LRRC9: variants seen among roughly 807,000 people sequenced by gnomAD.
LRRC9 encodes the protein leucine rich repeat containing 9.
LRRC9 carries 122 observed loss-of-function variants against 63.2 expected under a neutral mutation model. That is an observed-to-expected ratio of 1.93 (90% confidence interval 1.67 to 2.24). LRRC9 has a LOEUF of 2.24. Ranked by LOEUF, LRRC9 falls within the 30% of genes most tolerant of loss-of-function variation. The pLI, the probability that LRRC9 is intolerant of heterozygous loss-of-function variation, is 0.00. For missense variants in LRRC9, 1,071 were observed against 627.7 expected (o/e 1.71, Z -7.55); for synonymous variants, 366 against 213.1 (o/e 1.72, Z -6.25).
At position 59,938,667 on chromosome 14, in the gene LRRC9, G is replaced by A. The variant is rs34650525; in HGVS notation, c.726+95G>A. On this transcript the variant is annotated intron_variant, in intron 7 of 31. Transcript: ENST00000445360. This position sits in a 1 kb window ranked among gnomAD's most constrained non-coding sequence, Gnocchi z 4.2. ...CCACATACGGTAGGTAGGATTATCAGTTCAGTTCTTGTTGCCAAGTCTGCT... is the reference window on the plus strand; with the variant it reads ...CCACATACGGTAGGTAGGATTATCAATTCAGTTCTTGTTGCCAAGTCTGCT... 202,298 of 511,986 alleles carry A rather than the reference G, an allele frequency of 0.4. 41,302 individuals carry two copies. Among genetic ancestry groups the A allele is most frequent in the East Asian group, 0.56 (17,059 of 30,694 alleles). 31.7% of individuals were successfully genotyped at this position (511,986 alleles called of 1,614,324 possible). A position where few individuals can be genotyped will look rare whatever the true frequency, so the allele number is the denominator to read the frequency against.
In LRRC9 at chr14:59,930,709, T is replaced by G. The variant is rs1042116945; in HGVS notation, c.268-209T>G. On this transcript the variant is annotated intron_variant, in intron 3 of 31. Coordinates refer to ENST00000445360, the Ensembl canonical transcript of LRRC9. This position sits in a 1 kb window ranked among gnomAD's most constrained non-coding sequence, Gnocchi z 4.9. ...AAATAGATATAGGGTTGATCAAAATTTAAAGAGAACATGCAAAATTGAAAA... is the reference window on the plus strand; with the variant it reads ...AAATAGATATAGGGTTGATCAAAATGTAAAGAGAACATGCAAAATTGAAAA... 1.3e-5 allele frequency among the ~76,000 whole-genome samples: 2 copies of G among 151,610 alleles called. No individual in the cohort carries two copies. The highest frequency in any genetic ancestry group is 4.8e-5 in the African/African-American group (2 of 41,388).
intron 29 of LRRC9, among the ~76,000 whole-genome samples, chr14:60,035,271 T>G (rs1595075934): frequency 6.6e-6 from 1 of 152,228 alleles, no homozygotes; most frequent in Non-Finnish European, 1.5e-5. Flanking sequence ...ATGGATTGAT[T>G]GCAAATATTT....
Position 60,031,626 on chromosome 14 carries a change from A to G in LRRC9, c.3922-369A>G, listed in dbSNP as rs911784616. On this transcript the variant is annotated intron_variant, in intron 28 of 31. Transcript: ENST00000445360. This position sits in a 1 kb window ranked among gnomAD's most constrained non-coding sequence, Gnocchi z 4.6. ...GCTGTGTTTAATTATGTACCTTTAA[A>G]ATTTTTAGATTTGATTCACCTTTTC... Among the ~76,000 whole-genome samples, 16 of 152,052 alleles carry G rather than the reference A, an allele frequency of 1.1e-4. No individual in the cohort carries two copies. Among genetic ancestry groups the G allele is most frequent in the African/African-American group, 3.4e-4 (14 of 41,432 alleles).
chr14:59,979,826 G>T (rs1886736092), intron 15 of LRRC9, among the ~76,000 whole-genome samples: 1 of 119,602 alleles, frequency 8.4e-6, no homozygotes, highest in African/African-American at 3.1e-5. Context: ...GTGGGGTGGG[G>T]GGAGGGGGAA....
rs1055343880 is a variant in LRRC9 at position 60,017,022 on chromosome 14, A to G, written c.3317+232A>G. 6.6e-6 allele frequency among the ~76,000 whole-genome samples: 1 copy of G among 151,856 alleles called. No individual in the cohort carries two copies. Among genetic ancestry groups the G allele is most frequent in the African/African-American group, 2.4e-5 (1 of 41,336 alleles). On this transcript the variant is annotated intron_variant, in intron 24 of 31. Transcript: ENST00000445360. The surrounding 1 kb of genome is among the most constrained non-coding windows in gnomAD (Gnocchi z 4.0). ...CAGGCTCAATCGATCCTCCGACTAT[A>G]GGCACGCACCACCAAGCATGGCTAA...
chr14:60,059,716 C>A (rs180951212), intron 31 of LRRC9, among the ~76,000 whole-genome samples: 16 of 152,296 alleles, frequency 1.1e-4, no homozygotes, highest in South Asian at 8.3e-4. Flanking sequence ...GAGAAAGCTG[C>A]AGAAGAGAAG....
intron 24 of LRRC9, 126 bp from the exon 25 acceptor site, chr14:60,018,242 AATT>A: frequency 1.6e-6 from 1 of 617,182 alleles, no homozygotes; most frequent in East Asian, 2.8e-5. Flanking sequence ...ACATTAAAGT[AATT>A]ATTTTTATAC....
At chr14:60,041,378 C>T (rs1037360150) in intron 29 of LRRC9, among the ~76,000 whole-genome samples, 7 of 152,298 alleles carry the variant, frequency 4.6e-5, no homozygotes, top group South Asian at 2.1e-4. Flanking sequence ...CCATTCTCCC[C>T]GTCACTTTCA....
chr14:60,034,418 A>G (rs1417425747), intron 29 of LRRC9, among the ~76,000 whole-genome samples: 1 of 152,106 alleles, frequency 6.6e-6, no homozygotes, highest in Non-Finnish European at 1.5e-5. Flanking sequence ...ACAATTTACC[A>G]TCTTTACATT....
chr14:59,957,687 G>A (rs539940466), intron 8 of LRRC9, among the ~76,000 whole-genome samples: 5 of 152,236 alleles, frequency 3.3e-5, no homozygotes, highest in South Asian at 4.1e-4. Context: ...GAGGAGTTGC[G>A]ATCATTTGGA....
intron 29 of LRRC9, 117 bp from the exon 30 acceptor site, chr14:60,052,948 A>G (rs1894001145): frequency 1.1e-5 from 6 of 544,830 alleles, no homozygotes; most frequent in African/African-American, 3.7e-5. Flanking sequence ...ATCTATTACT[A>G]TAAGTTAGCT....
chr14:59,987,076 T>C (rs952578168), intron 17 of LRRC9, among the ~76,000 whole-genome samples: 1 of 152,068 alleles, frequency 6.6e-6, no homozygotes, highest in Non-Finnish European at 1.5e-5. Flanking sequence ...TAGTACATTG[T>C]TGTAAGGTGA....
At chr14:59,994,907 T>C (rs917175652) in intron 17 of LRRC9, among the ~76,000 whole-genome samples, 1 of 152,004 alleles carries the variant, frequency 6.6e-6, no homozygotes, top group East Asian at 1.9e-4. Context: ...ATATACCTAA[T>C]GTTAAATGAG....
chr14:59,937,018 G>A (rs1162666164), intron 6 of LRRC9, among the ~76,000 whole-genome samples: 1 of 152,032 alleles, frequency 6.6e-6, no homozygotes, highest in Non-Finnish European at 1.5e-5. Flanking sequence ...CACCATCCTG[G>A]TAATGAGAAA....
At chr14:59,967,347 T>C in intron 12 of LRRC9, 134 bp downstream of exon 12, 1 of 458,648 alleles carries the variant, frequency 2.2e-6, no homozygotes, top group Non-Finnish European at 3.9e-6. Context: ...AAAAGCTTAG[T>C]GTTATCATGG....
intron 26 of LRRC9, among the ~76,000 whole-genome samples, chr14:60,021,812 T>G (rs564315790): frequency 4.6e-5 from 7 of 152,000 alleles, no homozygotes; most frequent in African/African-American, 1.7e-4. Context: ...AAGAGTTTAT[T>G]TATGTACTCA....
chr14:59,925,220 C>T lies in LRRC9; in HGVS notation c.-33-2691C>T, dbSNP rs181225971. 2.2e-4 allele frequency among the ~76,000 whole-genome samples: 34 copies of T among 152,212 alleles called. 2 individuals are homozygous for T. The highest frequency in any genetic ancestry group is 9.1e-4 in the Admixed American group (14 of 15,306). ...TCCCTCCTTCTTGACTCAGTGTCTT[C>T]GTCCATTTTGTGCTGCTATAATAAA... On this transcript the variant is annotated intron_variant, in intron 1 of 31. Transcript: ENST00000445360.
exon 9 of LRRC9, chr14:59,959,867 A>G: frequency 1.4e-6 from 1 of 693,974 alleles, no homozygotes; most frequent in Non-Finnish European, 2.6e-6. Context: ...GGGCACAGTG[A>G]TGGATCCAAT....
intron 12 of LRRC9, among the ~76,000 whole-genome samples, chr14:59,967,760 C>T (rs1186882928): frequency 2.0e-5 from 3 of 151,966 alleles, no homozygotes; most frequent in African/African-American, 7.3e-5. Flanking sequence ...AGCAGCGCTT[C>T]CCAACCTTTT....
Sources: gnomAD v4.1 joint callset for allele counts (sites outside exome capture counted in the v4.1 genomes callset) on GRCh38, gnomAD v4.1.1 for gene constraint, Gnocchi (gnomAD v3.1) non-coding constraint, MANE v1.5 for transcripts, NCBI Gene and HGNC (gene_info 2026-07-23, HGNC 2026-07-21) for gene names.